Variants in SATL1 observed in about 807,000 individuals in gnomAD.
SATL1 encodes spermidine/spermine N1-acetyl transferase like 1.
In SATL1, 47 loss-of-function variants were observed where a neutral mutation model predicts 51.8. That is an observed-to-expected ratio of 0.91 (90% CI 0.72 to 1.16). The LOEUF is 1.16. SATL1 is among the 50% of genes most tolerant of loss of function. The pLI, the probability that SATL1 is intolerant of heterozygous loss-of-function variation, is 0.00. For synonymous variants in SATL1, 176 were observed against 182.4 expected (o/e 0.97, Z 0.28); for missense variants, 520 against 526.4 (o/e 0.99, Z 0.12).
intron 6 of SATL1, chrX:85,093,455 G>C: frequency 5.4e-6 from 2 of 367,656 alleles, no homozygotes; most frequent in Non-Finnish European, 9.6e-6. Flanking sequence ...GAAGAAGTGA[G>C]TCTCTGCCAC....
At chrX:85,234,350 C>T in intron 1 of SATL1, among the ~76,000 whole-genome samples, 1 of 111,652 alleles carries the variant, frequency 9.0e-6, no homozygotes, top group Middle Eastern at 4.6e-3. Flanking sequence ...TAAGAAATCA[C>T]CTGAAGGTAC....
intron 2 of SATL1, among the ~76,000 whole-genome samples, chrX:85,160,899 G>GA (rs1926703985): frequency 1.8e-5 from 2 of 111,018 alleles, no homozygotes; most frequent in South Asian, 7.7e-4. Flanking sequence ...TGAAATGAAA[G>GA]AAAAAAATCT....
chrX:85,133,669 C>A (rs748973620), intron 2 of SATL1, among the ~76,000 whole-genome samples: 2 of 111,784 alleles, frequency 1.8e-5, no homozygotes, highest in South Asian at 7.5e-4. Context: ...CACTGTCCGA[C>A]CAGTCCCAAT....
chrX:85,123,572 G>A (rs902075460), intron 2 of SATL1, among the ~76,000 whole-genome samples: 1 of 111,398 alleles, frequency 9.0e-6, no homozygotes, highest in Non-Finnish European at 1.9e-5. Flanking sequence ...TTAGACCTTT[G>A]CTGGATGCAT....
chrX:85,116,679 G>C (rs1258135842), intron 2 of SATL1, among the ~76,000 whole-genome samples: 1 of 111,333 alleles, frequency 9.0e-6, no homozygotes, highest in Non-Finnish European at 1.9e-5. Flanking sequence ...CAGAGAAACA[G>C]TTAACAACCA....
At chrX:85,195,334 G>C (rs1442552812) in intron 2 of SATL1, among the ~76,000 whole-genome samples, 1 of 111,223 alleles carries the variant, frequency 9.0e-6, no homozygotes, top group Non-Finnish European at 1.9e-5. Flanking sequence ...ACTGGGAAGA[G>C]AGTGAGTGGT....
chrX:85,147,981 T>A (rs1926304858), intron 2 of SATL1, among the ~76,000 whole-genome samples: 1 of 112,107 alleles, frequency 8.9e-6, no homozygotes, highest in Non-Finnish European at 1.9e-5. Flanking sequence ...GGAGAATGAC[T>A]TTGATGAGTT....
intron 2 of SATL1, among the ~76,000 whole-genome samples, chrX:85,130,014 T>C (rs540071584): frequency 8.9e-6 from 1 of 112,095 alleles, no homozygotes. Context: ...TCATGGTGGA[T>C]AAGCTTTTTG....
rs1491249883 is a variant in SATL1, at chrX:85,096,873, AAG to A, written c.1694-1879_1694-1878del. Among the ~76,000 whole-genome samples, 130 of 72,413 alleles carry A rather than the reference AAG, an allele frequency of 1.8e-3. 4 individuals are homozygous for A. Among genetic ancestry groups the A allele is most frequent in the African/African-American group, 2.2e-3 (51 of 22,912 alleles). The allele number at this position is 72,413 out of a possible 115,157, so 62.9% of individuals were successfully genotyped here. On this transcript the variant is annotated intron_variant, in intron 4 of 7. Coordinates refer to ENST00000644105, the MANE Select transcript of SATL1 (RefSeq NM_001367857.2). Reference sequence around the variant, plus strand: ...CACCCCAGCCCCCTCAAAAAAAAAAAAGAAAGAAACTGAAGGAATTCATTACC... The same window carrying A: ...CACCCCAGCCCCCTCAAAAAAAAAAAAAAGAAACTGAAGGAATTCATTACC...
chrX:85,149,460 C>T (rs755104806), intron 2 of SATL1, among the ~76,000 whole-genome samples: 8 of 111,391 alleles, frequency 7.2e-5, no homozygotes, highest in East Asian at 2.8e-4. Flanking sequence ...CTGCATCAAG[C>T]GGACCTATTA....
intron 2 of SATL1, among the ~76,000 whole-genome samples, chrX:85,173,210 C>A (rs1248541730): frequency 1.8e-5 from 2 of 110,596 alleles, no homozygotes; most frequent in Non-Finnish European, 3.8e-5. Flanking sequence ...TAGTTAAGGA[C>A]CCAGGGCCAA....
chrX:85,194,485 G>A (rs1927508419), intron 2 of SATL1, among the ~76,000 whole-genome samples: 1 of 111,093 alleles, frequency 9.0e-6, no homozygotes, highest in Non-Finnish European at 1.9e-5. Flanking sequence ...TGACAGGTAT[G>A]AGAGACTGTG....
Position 85,109,187 on chromosome X carries a change from A to T in SATL1, c.-219T>A. On this transcript the variant is annotated 5_prime_UTR_variant, in exon 3 of 8. Transcript: ENST00000644105. ...TGGAAAAAGAGAGGAGCACCTCAGG[A>T]AGATTATTAATGCCTCCGGTTTGCT... The T allele has an allele frequency of 2.4e-6, 1 of 422,497 alleles. No individual in the cohort carries two copies. Among genetic ancestry groups the T allele is most frequent in the Non-Finnish European group, 4.1e-6 (1 of 245,024 alleles). The allele number at this position is 422,497 out of a possible 1,213,427, so 34.8% of individuals were successfully genotyped here. A position where few individuals can be genotyped will look rare whatever the true frequency, so the allele number is the denominator to read the frequency against.
chrX:85,107,459 G>A lies in SATL1; in HGVS notation c.1510C>T (p.Pro504Ser). 8.3e-7 allele frequency: 1 copy of A among 1,212,097 alleles called. No individual in the cohort carries two copies. Among genetic ancestry groups the A allele is most frequent in the Non-Finnish European group, 1.1e-6 (1 of 895,489 alleles). ...CTCCTGCCTGGTTGACTCAGGCCTGGTTGGCTCAGCACTAATTGGTTCAGG... is the reference window on the plus strand; with the variant it reads ...CTCCTGCCTGGTTGACTCAGGCCTGATTGGCTCAGCACTAATTGGTTCAGG... ...QDLNQLVLSQPGLSQPGRSQP... is the reference protein window; with the variant it reads ...QDLNQLVLSQSGLSQPGRSQP... The change falls in exon 3 of 8, where the codon CCA becomes TCA. Residue 504 changes from proline to serine, a missense_variant. Physicochemically the swap from Pro to Ser is moderately conservative, Grantham distance 74. Around this residue, in one of 3 missense-constraint regions of SATL1, gnomAD observed 488 missense variants for 474.3 expected, o/e 1.03. Transcript: ENST00000644105.
chrX:85,164,025 T>G (rs1293882017), intron 2 of SATL1, among the ~76,000 whole-genome samples: 1 of 112,260 alleles, frequency 8.9e-6, no homozygotes, highest in Non-Finnish European at 1.9e-5. Context: ...CCTCTTTGTC[T>G]TTTTGAACTG....
intron 1 of SATL1, among the ~76,000 whole-genome samples, chrX:85,224,756 A>C (rs6617039): frequency 0.31 from 29,183 of 95,017 alleles, 6,471 homozygotes; most frequent in African/African-American, 0.71. Context: ...AATTCCACTC[A>C]TGAGTATATA....
At chrX:85,144,671 G>A (rs751395314) in intron 2 of SATL1, among the ~76,000 whole-genome samples, 1 of 111,952 alleles carries the variant, frequency 8.9e-6, no homozygotes, top group African/African-American at 3.2e-5. Flanking sequence ...AGGAGACACT[G>A]CAGCTATATC....
intron 3 of SATL1, among the ~76,000 whole-genome samples, chrX:85,106,118 C>T (rs931372263): frequency 1.8e-5 from 2 of 111,497 alleles, no homozygotes; most frequent in African/African-American, 6.5e-5. Flanking sequence ...AATTGCCGAC[C>T]GAGTGTCAGA....
chrX:85,171,705 T>C (rs990627730), intron 2 of SATL1, among the ~76,000 whole-genome samples: 1 of 111,535 alleles, frequency 9.0e-6, no homozygotes, highest in Non-Finnish European at 1.9e-5. Flanking sequence ...GGGAACTATA[T>C]ATAGCAACAA....
Sources: allele counts gnomAD v4.1 joint callset (sites outside exome capture counted in the v4.1 genomes callset), GRCh38; gene constraint gnomAD v4.1.1; regional missense constraint gnomAD v4.1.1; transcripts MANE v1.5; gene names NCBI Gene and HGNC (gene_info 2026-07-23, HGNC 2026-07-21).